The following ERN1 variants were observed in gnomAD, a reference collection of about 807,000 sequenced individuals.
ERN1 encodes the protein endoplasmic reticulum to nucleus signaling 1, also known as serine/threonine-protein kinase/endoribonuclease IRE1.
A neutral mutation model predicts 113.1 loss-of-function variants in ERN1; 39 were observed. The observed-to-expected ratio is 0.34, with a 90% CI of 0.27 to 0.45. The LOEUF is 0.45. ERN1 is among the 20% of genes least tolerant of loss of function. The probability of loss-of-function intolerance (pLI) is 1.00; values close to 1 mark genes in which losing one functional copy is unlikely to be tolerated. For synonymous variants in ERN1, 507 were observed against 515.9 expected, an observed-to-expected ratio of 0.98 and a Z score of 0.23; for missense variants, 976 against 1,274.8, an observed-to-expected ratio of 0.77 and a Z score of 3.57.
chr17:64,127,390 C>T (rs1418114856), intron 1 of ERN1, among the ~76,000 whole-genome samples: 1 of 152,158 alleles, frequency 6.6e-6, no homozygotes, highest in Non-Finnish European at 1.5e-5. Context: ...CTATTAAGCA[C>T]GTGTGAAGGT....
At chr17:64,093,625 G>A (rs573798563) in intron 2 of ERN1, among the ~76,000 whole-genome samples, 5 of 152,238 alleles carry the variant, frequency 3.3e-5, no homozygotes, top group Admixed American at 6.5e-5. Context: ...GAGAATGAGC[G>A]AGCTCTGGTC....
chr17:64,098,484 T>C (rs773248697), intron 1 of ERN1: 1 of 692,976 alleles, frequency 1.4e-6, no homozygotes. Flanking sequence ...AGGACAAGAA[T>C]TCTGAAATAA....
chr17:64,080,424 AAC>A (rs1913731777), intron 3 of ERN1: 1 of 225,608 alleles, frequency 4.4e-6, no homozygotes, highest in South Asian at 6.4e-5. Flanking sequence ...CTTTTACCCC[AAC>A]ACACACTCTG....
At chr17:64,122,764 A>G (rs2143508200) in intron 1 of ERN1, among the ~76,000 whole-genome samples, 1 of 152,360 alleles carries the variant, frequency 6.6e-6, no homozygotes, top group Non-Finnish European at 1.5e-5. Context: ...TTTAACTTGT[A>G]TAAGGATAAC....
At position 64,043,862 on chromosome 17, in the gene ERN1, G is replaced by C. The variant is rs1331838372; in HGVS notation, c.*126C>G. 1.5e-6 allele frequency: 1 copy of C among 666,906 alleles called. No homozygotes were observed. Among genetic ancestry groups the C allele is most frequent in the Non-Finnish European group, 2.6e-6 (1 of 386,118 alleles). The allele number at this position is 666,906 out of a possible 1,614,324, so 41.3% of individuals were successfully genotyped here. On this transcript the variant is annotated 3_prime_UTR_variant, in exon 22 of 22. Transcript: ENST00000433197. Reference sequence around the variant, plus strand: ...CTGTCCTCTGTGGGCTGCAGAGCAGGCAGCTCAAGGCACTTGGTTTGGGAA... The same window carrying C: ...CTGTCCTCTGTGGGCTGCAGAGCAGCCAGCTCAAGGCACTTGGTTTGGGAA...
chr17:64,051,252 A>C (rs892817400), intron 17 of ERN1, among the ~76,000 whole-genome samples: 1 of 152,154 alleles, frequency 6.6e-6, no homozygotes, highest in African/African-American at 2.4e-5. Context: ...TACTCAACTG[A>C]GTACTTCAGG....
chr17:64,120,449 A>C (rs576481166), intron 1 of ERN1, among the ~76,000 whole-genome samples: 8 of 152,124 alleles, frequency 5.3e-5, no homozygotes, highest in African/African-American at 1.9e-4. Flanking sequence ...CAGCCCAGAC[A>C]AACAATTATT....
At chr17:64,118,965 A>C (rs180890458) in intron 1 of ERN1, among the ~76,000 whole-genome samples, 3 of 152,236 alleles carry the variant, frequency 2.0e-5, no homozygotes, top group South Asian at 2.1e-4. Context: ...TGCTTTAACT[A>C]ACTCACTCCT....
At chr17:64,071,216 G>C (rs940046441) in intron 6 of ERN1, among the ~76,000 whole-genome samples, 1 of 152,218 alleles carries the variant, frequency 6.6e-6, no homozygotes, top group African/African-American at 2.4e-5. Flanking sequence ...GGAGAGCCGG[G>C]TGTTCCTGAG....
Position 64,043,678 on chromosome 17 carries a change from C to G in ERN1, c.*310G>C. 3.6e-6 allele frequency: 1 copy of G among 279,078 alleles called. No homozygotes were observed. Among genetic ancestry groups the G allele is most frequent in the Non-Finnish European group, 6.7e-6 (1 of 149,968 alleles). 17.3% of individuals were successfully genotyped at this position (279,078 alleles called of 1,614,324 possible). On this transcript the variant is annotated 3_prime_UTR_variant, in exon 22 of 22. Transcript: ENST00000433197. ...GACATTAAGCAGGAATTTAAAAAGT[C>G]TGAAGCAAGTTTATCCAGTAGATGG... is the stretch of plus-strand genomic sequence containing the variant.
rs1050797845 is a variant in ERN1, at chr17:64,054,560, T to C, written c.1764-121A>G. The C allele has an allele frequency of 1.8e-6, 2 of 1,105,958 alleles. No individual in the cohort carries two copies. Among genetic ancestry groups the C allele is most frequent in the Non-Finnish European group, 1.3e-6 (1 of 775,792 alleles). 68.5% of individuals were successfully genotyped at this position (1,105,958 alleles called of 1,614,324 possible). ...CCCAGCCTAGAGAGCCCCGCCTGAC[T>C]GCCTGGTGGCCCCGGAATCATCGCT... On this transcript the variant is annotated intron_variant, in intron 14 of 21. Transcript: ENST00000433197. The surrounding 1 kb of genome is among the most constrained non-coding windows in gnomAD (Gnocchi z 4.9).
In ERN1 at chr17:64,055,821, T is replaced by C. The variant is rs749008875; in HGVS notation, c.1526A>G (p.Glu509Gly). ...HPPGDTAQDG[E>G]LLDTSGPYSE... ...GTACGGGCCAGACGTGTCCAGGAGC[T>C]CGCCGTCCTGAGCCGTGTCTCCAGG... Residue 509 changes from glutamate (E) to glycine (G), a missense_variant, in exon 13 of 22, where the codon GAG (glutamate) becomes GGG (glycine). Coordinates refer to ENST00000433197, the MANE Select transcript of ERN1 (RefSeq NM_001433.5). 6.4e-7 allele frequency: 1 copy of C among 1,566,244 alleles called. No homozygotes were observed. Among genetic ancestry groups the C allele is most frequent in the Non-Finnish European group, 8.7e-7 (1 of 1,155,598 alleles).
chr17:64,098,687 G>A (rs937518621), intron 1 of ERN1: 10 of 414,982 alleles, frequency 2.4e-5, no homozygotes, highest in Non-Finnish European at 4.3e-5. Context: ...AATGCTTAAA[G>A]CAAAATAGGA....
At chr17:64,067,392 C>A (rs1401526305) in intron 7 of ERN1, among the ~76,000 whole-genome samples, 3 of 142,608 alleles carry the variant, frequency 2.1e-5, no homozygotes, top group African/African-American at 7.9e-5. Context: ...GACTTCAAGA[C>A]CAGCCTGGGC....
intron 2 of ERN1, among the ~76,000 whole-genome samples, chr17:64,091,294 T>C (rs1188486818): frequency 1.3e-5 from 2 of 152,128 alleles, no homozygotes; most frequent in Non-Finnish European, 2.9e-5. Flanking sequence ...AACCGGAAAC[T>C]GTCATGACTA....
At chr17:64,117,835 C>T (rs1483252384) in intron 1 of ERN1, among the ~76,000 whole-genome samples, 1 of 152,180 alleles carries the variant, frequency 6.6e-6, no homozygotes, top group African/African-American at 2.4e-5. Flanking sequence ...AATTTTATCA[C>T]CTTATCACAT....
chr17:64,121,625 G>GATT (rs1396982438), intron 1 of ERN1, among the ~76,000 whole-genome samples: 1 of 152,168 alleles, frequency 6.6e-6, no homozygotes, highest in African/African-American at 2.4e-5. Context: ...GAGTAGCTGG[G>GATT]ATTACAGGTG....
chr17:64,077,452 G>A (rs534976942), intron 4 of ERN1, among the ~76,000 whole-genome samples: 2 of 151,818 alleles, frequency 1.3e-5, no homozygotes, highest in Non-Finnish European at 2.9e-5. Flanking sequence ...CTCTCCAGGG[G>A]TAACTATTAT....
chr17:64,129,947 C>T (rs1345015473), intron 1 of ERN1, 29 bp downstream of exon 1: 4 of 1,438,108 alleles, frequency 2.8e-6, no homozygotes, highest in Non-Finnish European at 3.6e-6. Context: ...CGCGAGCTGT[C>T]CTCCACCCCA....
Sources: gnomAD v4.1 joint callset for allele counts (sites outside exome capture counted in the v4.1 genomes callset) on GRCh38, gnomAD v4.1.1 for gene constraint, Gnocchi (gnomAD v3.1) non-coding constraint, MANE v1.5 for transcripts, NCBI Gene and HGNC (gene_info 2026-07-23, HGNC 2026-07-21) for gene names.